KCNIP4: variants seen among roughly 807,000 people sequenced by gnomAD.
KCNIP4 encodes the protein Kv channel-interacting protein 4.
KCNIP4 carries 12 observed loss-of-function variants against 34.0 expected under a neutral mutation model. The ratio of observed to expected loss-of-function variants is 0.35; its 90% CI spans 0.23 to 0.57. The LOEUF (loss-of-function observed/expected upper bound fraction) is 0.57, where lower values mean the gene tolerates loss of function less well. KCNIP4 is among the 20% of genes least tolerant of loss of function. The probability of loss-of-function intolerance (pLI) is 0.83; values close to 1 mark genes in which losing one functional copy is unlikely to be tolerated. For missense variants in KCNIP4, 238 were observed against 311.7 expected, an observed-to-expected ratio of 0.76 and a Z score of 1.78; for synonymous variants, 124 against 102.2, an observed-to-expected ratio of 1.21 and a Z score of -1.29.
At chr4:21,740,440 T>C (rs1236595003) in intron 1 of KCNIP4, among the ~76,000 whole-genome samples, 1 of 152,030 alleles carries the variant, frequency 6.6e-6, no homozygotes, top group Admixed American at 6.6e-5. Context: ...TATTCCTTCT[T>C]TCCATAAATA....
intron 1 of KCNIP4, among the ~76,000 whole-genome samples, chr4:21,822,551 T>C (rs1722418675): frequency 6.6e-6 from 1 of 152,162 alleles, no homozygotes; most frequent in South Asian, 2.1e-4. Context: ...TCTAGTGTTT[T>C]GTTCCATGGT....
At chr4:21,697,634 T>TG (rs1263075250) in intron 1 of KCNIP4, 1 of 1,324,274 alleles carries the variant, frequency 7.6e-7, no homozygotes, top group African/African-American at 1.5e-5. Context: ...CAGATACAGC[T>TG]ACAACAGTAA....
chr4:21,589,342 A>ATT (rs1741979430), intron 1 of KCNIP4, among the ~76,000 whole-genome samples: 2 of 148,428 alleles, frequency 1.3e-5, no homozygotes, highest in African/African-American at 4.9e-5. Context: ...ATATATATAC[A>ATT]TGTGTATGTA....
At position 21,021,854 on chromosome 4, in the gene KCNIP4, AGTATC is replaced by A. The variant is rs575198217; in HGVS notation, c.62-139150_62-139146del. Among the ~76,000 whole-genome samples, 418 of 134,326 alleles carry A rather than the reference AGTATC, an allele frequency of 3.1e-3. 1 individual carries two copies. The highest frequency in any genetic ancestry group is 9.4e-3 in the African/African-American group (335 of 35,714). The allele number at this position is 134,326 out of a possible 152,430, so 88.1% of individuals were successfully genotyped here. A position where few individuals can be genotyped will look rare whatever the true frequency, so the allele number is the denominator to read the frequency against. On this transcript the variant is annotated intron_variant, in intron 1 of 8. Transcript: ENST00000382152. ...GCTCTAAAATAATAATGAAAAGTAT[AGTATC>A]GTATAGTATAGTATAGTATAGTATA...
intron 1 of KCNIP4, among the ~76,000 whole-genome samples, chr4:21,055,460 C>A (rs935240639): frequency 1.3e-5 from 2 of 152,122 alleles, no homozygotes; most frequent in Admixed American, 6.6e-5. Context: ...GCAGAAAAAC[C>A]TGCACATAGA....
At chr4:21,147,024 C>T (rs920503814) in intron 1 of KCNIP4, among the ~76,000 whole-genome samples, 3 of 152,006 alleles carry the variant, frequency 2.0e-5, no homozygotes, top group African/African-American at 7.2e-5. Flanking sequence ...ATACTGTATA[C>T]TTCTACACAC....
At chr4:20,900,610 C>T (rs1484039028) in intron 1 of KCNIP4, among the ~76,000 whole-genome samples, 1 of 152,148 alleles carries the variant, frequency 6.6e-6, no homozygotes, top group East Asian at 1.9e-4. Context: ...CCTGGCAAAC[C>T]TTTCTGTCCC....
intron 2 of KCNIP4, among the ~76,000 whole-genome samples, chr4:20,882,350 T>C (rs1724787069): frequency 6.6e-6 from 1 of 152,080 alleles, no homozygotes; most frequent in South Asian, 2.1e-4. Flanking sequence ...CCAGTCCCCA[T>C]CCCTTACATC....
chr4:21,031,647 T>C (rs2149764581), intron 1 of KCNIP4, among the ~76,000 whole-genome samples: 1 of 152,320 alleles, frequency 6.6e-6, no homozygotes, highest in East Asian at 1.9e-4. Flanking sequence ...TCCCCTTGGC[T>C]TGGCTGTGAG....
intron 1 of KCNIP4, among the ~76,000 whole-genome samples, chr4:20,989,974 A>G (rs1236608333): frequency 1.3e-5 from 2 of 152,152 alleles, no homozygotes; most frequent in Non-Finnish European, 2.9e-5. Flanking sequence ...AAACAAAAAC[A>G]AAACAAAAGA....
chr4:21,928,683 C>T (rs1729400441), intron 1 of KCNIP4, among the ~76,000 whole-genome samples: 1 of 152,016 alleles, frequency 6.6e-6, no homozygotes, highest in Admixed American at 6.6e-5. Context: ...TTGGGATAAT[C>T]TCCCCCTGAT....
intron 2 of KCNIP4, among the ~76,000 whole-genome samples, chr4:20,867,898 G>A (rs1235368342): frequency 1.1e-4 from 16 of 152,148 alleles, no homozygotes; most frequent in Non-Finnish European, 2.4e-4. Flanking sequence ...AGGGAGTGGG[G>A]AGGGATAGCA....
At chr4:20,917,477 ACCAGACGTGGTCCTGCCCTCAGGAAG>A (rs1322808175) in intron 1 of KCNIP4, among the ~76,000 whole-genome samples, 1 of 152,188 alleles carries the variant, frequency 6.6e-6, no homozygotes, top group African/African-American at 2.4e-5. Context: ...AGCGAGCAAG[ACCAGACGTGGTCCTGCCCTCAGGAAG>A]CTTATGGCCT....
At chr4:21,391,923 A>G (rs1189994841) in intron 1 of KCNIP4, among the ~76,000 whole-genome samples, 3 of 152,220 alleles carry the variant, frequency 2.0e-5, no homozygotes, top group African/African-American at 7.2e-5. Flanking sequence ...GACACTAGGA[A>G]GCTGAAAGTC....
chr4:20,915,043 A>G (rs1217487729), intron 1 of KCNIP4, among the ~76,000 whole-genome samples: 2 of 152,220 alleles, frequency 1.3e-5, no homozygotes, highest in Non-Finnish European at 2.9e-5. Context: ...AACAAGTTCT[A>G]TCATTGCTTG....
intron 1 of KCNIP4, among the ~76,000 whole-genome samples, chr4:20,930,061 T>C (rs913916137): frequency 6.6e-6 from 1 of 151,788 alleles, no homozygotes; most frequent in African/African-American, 2.4e-5. Flanking sequence ...AAAAACAGAA[T>C]AGGCAAAGGA....
intron 1 of KCNIP4, among the ~76,000 whole-genome samples, chr4:20,962,189 C>T (rs1733914630): frequency 6.6e-6 from 1 of 152,134 alleles, no homozygotes; most frequent in Non-Finnish European, 1.5e-5. Flanking sequence ...CCACTGCTTC[C>T]AAGCCTAAGT....
intron 1 of KCNIP4, among the ~76,000 whole-genome samples, chr4:21,741,910 G>A (rs1367697608): frequency 6.6e-6 from 1 of 151,966 alleles, no homozygotes; most frequent in African/African-American, 2.4e-5. Context: ...GGTGACGCAC[G>A]CCTGCAGTCC....
intron 1 of KCNIP4, among the ~76,000 whole-genome samples, chr4:20,917,795 G>T (rs754642446): frequency 6.6e-6 from 1 of 152,096 alleles, no homozygotes; most frequent in Non-Finnish European, 1.5e-5. Flanking sequence ...CAGAGATAAA[G>T]TGTGATTCTT....
Sources: allele counts gnomAD v4.1 joint callset (sites outside exome capture counted in the v4.1 genomes callset), GRCh38; gene constraint gnomAD v4.1.1; transcripts MANE v1.5; gene names NCBI Gene and HGNC (gene_info 2026-07-23, HGNC 2026-07-21).